NRG3: variants seen among roughly 807,000 people sequenced by gnomAD.
The protein encoded by NRG3 is neuregulin 3.
A neutral mutation model predicts 66.9 loss-of-function variants in NRG3; 31 were observed. The ratio of observed to expected loss-of-function variants is 0.46; its 90% confidence interval spans 0.35 to 0.63. The LOEUF (loss-of-function observed/expected upper bound fraction) is 0.63, where lower values mean the gene tolerates loss of function less well. NRG3 is among the 20% of genes least tolerant of loss of function. The pLI is 0.00. For missense variants in NRG3, 910 were observed against 878.9 expected, an observed-to-expected ratio of 1.04 and a Z score of -0.45; for synonymous variants, 393 against 359.4, an observed-to-expected ratio of 1.09 and a Z score of -1.06.
intron 1 of NRG3, among the ~76,000 whole-genome samples, chr10:81,919,289 G>A (rs900728923): frequency 6.6e-6 from 1 of 152,148 alleles, no homozygotes; most frequent in South Asian, 2.1e-4. Context: ...TATAAGTGTG[G>A]CAGCGCTGAA....
At chr10:81,979,362 G>T (rs2060249681) in intron 1 of NRG3, among the ~76,000 whole-genome samples, 1 of 152,000 alleles carries the variant, frequency 6.6e-6, no homozygotes, top group Non-Finnish European at 1.5e-5. Flanking sequence ...CTAAAATCTT[G>T]CTCATATCTA....
At chr10:82,881,022 G>A (rs188514984) in intron 4 of NRG3, among the ~76,000 whole-genome samples, 2 of 152,282 alleles carry the variant, frequency 1.3e-5, no homozygotes, top group Admixed American at 1.3e-4. Flanking sequence ...AGCAAAAGGG[G>A]TTGGAATAAG....
At chr10:82,630,597 G>A (rs1204571910) in intron 2 of NRG3, among the ~76,000 whole-genome samples, 1 of 151,860 alleles carries the variant, frequency 6.6e-6, no homozygotes, top group African/African-American at 2.4e-5. Flanking sequence ...AGAGTCACTT[G>A]AACCTGGGAG....
At chr10:81,933,085 G>A (rs1847533636) in intron 1 of NRG3, among the ~76,000 whole-genome samples, 1 of 144,008 alleles carries the variant, frequency 6.9e-6, no homozygotes, top group Non-Finnish European at 1.5e-5. Context: ...TCCAGCCTGG[G>A]CAACAGAGCA....
chr10:82,458,936 G>A (rs2091392588), intron 2 of NRG3, among the ~76,000 whole-genome samples: 1 of 152,092 alleles, frequency 6.6e-6, no homozygotes, highest in South Asian at 2.1e-4. Context: ...GCCTCCACTG[G>A]AGGAAACAGA....
intron 4 of NRG3, among the ~76,000 whole-genome samples, chr10:82,875,095 C>T (rs576992027): frequency 1.3e-5 from 2 of 152,248 alleles, no homozygotes; most frequent in Non-Finnish European, 1.5e-5. Flanking sequence ...ATGGGGTAAT[C>T]TACAGAAGTT....
At chr10:82,018,695 C>T (rs1293051924) in intron 1 of NRG3, among the ~76,000 whole-genome samples, 1 of 152,134 alleles carries the variant, frequency 6.6e-6, no homozygotes, top group Non-Finnish European at 1.5e-5. Flanking sequence ...CTCTTTGAAG[C>T]AATTGTGAAT....
chr10:82,245,983 T>TTTCTG (rs1453606698), intron 1 of NRG3, among the ~76,000 whole-genome samples: 79 of 144,646 alleles, frequency 5.5e-4, no homozygotes, highest in African/African-American at 2.0e-3. Flanking sequence ...TTCTGGTTTT[T>TTTCTG]TTTTTTTTTT....
intron 8 of NRG3, among the ~76,000 whole-genome samples, chr10:82,983,744 T>C (rs1853164335): frequency 6.6e-6 from 1 of 152,208 alleles, no homozygotes; most frequent in Non-Finnish European, 1.5e-5. Flanking sequence ...TGTTATTAAG[T>C]CTGAAAATAG....
chr10:82,410,051 T>C (rs1447666823), intron 2 of NRG3, among the ~76,000 whole-genome samples: 1 of 152,088 alleles, frequency 6.6e-6, no homozygotes, highest in African/African-American at 2.4e-5. Flanking sequence ...CAGGGTCAAT[T>C]CCTTCATACC....
chr10:82,755,855 C>T (rs1461419065), intron 3 of NRG3, among the ~76,000 whole-genome samples: 2 of 152,050 alleles, frequency 1.3e-5, no homozygotes, highest in African/African-American at 2.4e-5. Flanking sequence ...TGTTTAATGT[C>T]GCAATCAAAC....
At chr10:81,943,253 T>C (rs1024509349) in intron 1 of NRG3, among the ~76,000 whole-genome samples, 2 of 152,092 alleles carry the variant, frequency 1.3e-5, no homozygotes, top group Non-Finnish European at 2.9e-5. Context: ...TGGTGACACA[T>C]GTCTGTAGTT....
intron 2 of NRG3, among the ~76,000 whole-genome samples, chr10:82,685,715 A>G (rs2054461175): frequency 6.6e-6 from 1 of 152,200 alleles, no homozygotes; most frequent in African/African-American, 2.4e-5. Flanking sequence ...ACAGCCATAC[A>G]CATTGTACAG....
chr10:82,669,953 G>A (rs2053132419), intron 2 of NRG3, among the ~76,000 whole-genome samples: 2 of 151,236 alleles, frequency 1.3e-5, no homozygotes, highest in African/African-American at 4.9e-5. Context: ...AAACAAAAAA[G>A]CTGCAACATG....
At chr10:82,186,487 C>T (rs1389088280) in intron 1 of NRG3, among the ~76,000 whole-genome samples, 3 of 152,174 alleles carry the variant, frequency 2.0e-5, no homozygotes, top group Non-Finnish European at 2.9e-5. Context: ...CCACTAATGC[C>T]TCAGAATTTT....
chr10:82,020,345 C>T (rs1361539011), intron 1 of NRG3, among the ~76,000 whole-genome samples: 1 of 152,002 alleles, frequency 6.6e-6, no homozygotes, highest in East Asian at 1.9e-4. Flanking sequence ...CTATTCTTTC[C>T]TTTATGAGGG....
At chr10:82,779,314 G>C (rs1337065285) in intron 3 of NRG3, among the ~76,000 whole-genome samples, 1 of 152,100 alleles carries the variant, frequency 6.6e-6, no homozygotes, top group Non-Finnish European at 1.5e-5. Context: ...AATACTTCCT[G>C]TTTCTGAGCT....
At chr10:82,098,234 T>C (rs994435917) in intron 1 of NRG3, among the ~76,000 whole-genome samples, 2 of 151,848 alleles carry the variant, frequency 1.3e-5, no homozygotes, top group East Asian at 1.9e-4. Flanking sequence ...CACAGACATA[T>C]AGATGTCATC....
intron 3 of NRG3, among the ~76,000 whole-genome samples, chr10:82,857,996 G>A (rs2063903851): frequency 6.6e-6 from 1 of 152,088 alleles, no homozygotes; most frequent in South Asian, 2.1e-4. Flanking sequence ...CGCTCACCAG[G>A]AGTGTGCTCA....
Sources: gnomAD v4.1 joint callset for allele counts (sites outside exome capture counted in the v4.1 genomes callset) on GRCh38, gnomAD v4.1.1 for gene constraint, MANE v1.5 for transcripts, NCBI Gene and HGNC (gene_info 2026-07-23, HGNC 2026-07-21) for gene names.